The following RGS3 variants were observed in gnomAD, a reference collection of about 807,000 sequenced individuals.
RGS3 encodes the protein regulator of G protein signaling 3.
A neutral mutation model predicts 132.6 loss-of-function variants in RGS3; 80 were observed. That is an observed-to-expected ratio of 0.60 (90% CI 0.50 to 0.73). RGS3 has a LOEUF of 0.73. RGS3 is among the 30% of genes least tolerant of loss of function. The probability of loss-of-function intolerance (pLI) is 0.00; values close to 1 mark genes in which losing one functional copy is unlikely to be tolerated. For missense variants in RGS3, 1,382 were observed against 1,530.8 expected (o/e 0.90, Z 1.62); for synonymous variants, 598 against 620.6 (o/e 0.96, Z 0.54).
chr9:113,486,573 C>T (rs1469344358), intron 7 of RGS3, among the ~76,000 whole-genome samples: 1 of 152,140 alleles, frequency 6.6e-6, no homozygotes, highest in African/African-American at 2.4e-5. Context: ...CTGCCATGGC[C>T]CACTGTTAGC....
At position 113,505,538 on chromosome 9, in the gene RGS3, G is replaced by A. The variant is rs761061180; in HGVS notation, c.979+15G>A. Reference sequence around the variant, plus strand: ...CGTGGATTCCGGTAAGTTATTGACAGGGGGATGCCAACCCCACTTGCCCAC... The same window carrying A: ...CGTGGATTCCGGTAAGTTATTGACAAGGGGATGCCAACCCCACTTGCCCAC... On this transcript the variant is annotated intron_variant, in intron 11 of 24. Transcript: ENST00000350696. 90 of 1,610,110 alleles carry A rather than the reference G, an allele frequency of 5.6e-5. No homozygotes were observed. The East Asian group carries it at 1.9e-3, about 34-fold the overall frequency.
At chr9:113,596,865 T>C (rs1835809913) in exon 25 of RGS3, 4 of 1,613,858 alleles carry the variant, frequency 2.5e-6, no homozygotes, top group Non-Finnish European at 3.4e-6. Context: ...ATCTTCGGGC[T>C]CATGGAAAAG....
intron 18 of RGS3, 138 bp from the exon 17 acceptor site, chr9:113,536,658 C>T: frequency 6.7e-7 from 1 of 1,498,060 alleles, no homozygotes. Flanking sequence ...GATTAGTGTG[C>T]ATTTGCGGCT....
rs1588302396 is a variant in RGS3, at chr9:113,591,660, G to A, written c.3080+263G>A. The A allele has an allele frequency of 2.2e-6, 1 of 463,024 alleles. No individual in the cohort carries two copies. Among genetic ancestry groups the A allele is most frequent in the East Asian group, 3.7e-5 (1 of 26,878 alleles). The allele number at this position is 463,024 out of a possible 1,614,324, so 28.7% of individuals were successfully genotyped here. On this transcript the variant is annotated intron_variant, in intron 21 of 24. Transcript: ENST00000350696. This position sits in a 1 kb window ranked among gnomAD's most constrained non-coding sequence, Gnocchi z 4.4. ...ACAGTGAACCAGAAGCAACCAGCCC[G>A]TTTGCCCTGGCTTTAGCCCAGCTTC...
chr9:113,570,826 A>AG (rs1385169332), intron 19 of RGS3, among the ~76,000 whole-genome samples: 1 of 152,022 alleles, frequency 6.6e-6, no homozygotes. Context: ...TAGTAGAGAC[A>AG]GGTTTCACTA....
chr9:113,473,213 G>A (rs1035751343), intron 3 of RGS3, among the ~76,000 whole-genome samples: 2 of 152,172 alleles, frequency 1.3e-5, no homozygotes, highest in Non-Finnish European at 2.9e-5. Context: ...GCCCATGTCT[G>A]AAGGGAGGAA....
chr9:113,572,568 C>T (rs974607360), intron 19 of RGS3, among the ~76,000 whole-genome samples: 7 of 152,180 alleles, frequency 4.6e-5, no homozygotes, highest in Non-Finnish European at 8.8e-5. Flanking sequence ...GCTGCAGGCC[C>T]TGAAGGAGGA....
intron 7 of RGS3, among the ~76,000 whole-genome samples, chr9:113,488,146 G>T (rs961477400): frequency 6.6e-6 from 1 of 152,194 alleles, no homozygotes; most frequent in South Asian, 2.1e-4. Context: ...ATATTTAGGA[G>T]ATTAAATCAG....
chr9:113,448,206 T>A (rs1829156872), intron 1 of RGS3, among the ~76,000 whole-genome samples: 1 of 152,026 alleles, frequency 6.6e-6, no homozygotes, highest in Non-Finnish European at 1.5e-5. Context: ...CTTTCCACCA[T>A]GTGAATATCA....
chr9:113,489,694 ATT>A (rs796193756), intron 7 of RGS3, among the ~76,000 whole-genome samples: 17 of 142,040 alleles, frequency 1.2e-4, no homozygotes, highest in Admixed American at 2.8e-4. Flanking sequence ...CAGCTACTTA[ATT>A]TTTTTTTTTT....
At chr9:113,559,826 A>G (rs1276993922) in intron 19 of RGS3, among the ~76,000 whole-genome samples, 5 of 152,328 alleles carry the variant, frequency 3.3e-5, no homozygotes, top group South Asian at 4.1e-4. Flanking sequence ...TAGCCCCTCA[A>G]CAGGTGTTAT....
At chr9:113,533,016 A>G (rs560317810) in intron 18 of RGS3, among the ~76,000 whole-genome samples, 1 of 152,290 alleles carries the variant, frequency 6.6e-6, no homozygotes, top group African/African-American at 2.4e-5. Context: ...CCAGGTGATG[A>G]GACCTCCCCA....
In RGS3 at chr9:113,582,367, C is replaced by T. The variant is rs530774338; in HGVS notation, c.2038-1083C>T. 9.5e-5 allele frequency: 23 copies of T among 242,028 alleles called. No homozygotes were observed. In the South Asian group the frequency reaches 2.0e-3, roughly 21 times the overall value. 15.0% of individuals were successfully genotyped at this position (242,028 alleles called of 1,614,324 possible). ...CCCTGAAGTTTTCTGCCAGTGTGCG[C>T]GTGTGCCCGCAGGTGCACACATTCC... On this transcript the variant is annotated intron_variant, in intron 19 of 24. Coordinates refer to ENST00000350696, the Ensembl canonical transcript of RGS3.
intron 19 of RGS3, chr9:113,581,683 C>T (rs961198976): frequency 6.6e-6 from 1 of 152,298 alleles, no homozygotes; most frequent in African/African-American, 2.4e-5. Context: ...CTACCTGACA[C>T]CTCTGTGTGA....
intron 8 of RGS3, among the ~76,000 whole-genome samples, chr9:113,496,394 A>G (rs145373580): frequency 6.6e-6 from 1 of 151,984 alleles, no homozygotes; most frequent in Non-Finnish European, 1.5e-5. Context: ...GACTCCCCAA[A>G]CTGGAAGGTG....
intron 19 of RGS3, among the ~76,000 whole-genome samples, chr9:113,553,838 C>T (rs557562105): frequency 2.6e-5 from 4 of 151,848 alleles, no homozygotes; most frequent in Non-Finnish European, 5.9e-5. Flanking sequence ...AGAGAAACTC[C>T]GTCTCCAAAA....
rs538150092 is a variant in RGS3, at chr9:113,448,514, G to A, written c.-13+3587G>A. 2.0e-4 allele frequency among the ~76,000 whole-genome samples: 30 copies of A among 151,974 alleles called. 1 individual carries two copies. Among genetic ancestry groups the A allele is most frequent in the African/African-American group, 6.3e-4 (26 of 41,436 alleles). ...ATTCTTTAGGTCTCAGCTTACATAT[G>A]ACTTATTTGGGAATAAGCTTTTTCT... On this transcript the variant is annotated intron_variant, in intron 1 of 25. Coordinates refer to the RGS3 transcript ENST00000374140.
upstream of RGS3, among the ~76,000 whole-genome samples, chr9:113,458,295 A>T (rs988899707): frequency 6.6e-6 from 1 of 152,198 alleles, no homozygotes. Flanking sequence ...TTTTCACCCA[A>T]CCATTTGAAA....
At chr9:113,583,176 C>T in intron 19 of RGS3, 1 of 518,306 alleles carries the variant, frequency 1.9e-6, no homozygotes, top group Non-Finnish European at 3.3e-6. Context: ...CCTGCCAAAG[C>T]AGGAGCTAGA....
Sources: gnomAD v4.1 joint callset for allele counts (sites outside exome capture counted in the v4.1 genomes callset) on GRCh38, gnomAD v4.1.1 for gene constraint, Gnocchi (gnomAD v3.1) non-coding constraint, MANE v1.5 for transcripts, NCBI Gene and HGNC (gene_info 2026-07-23, HGNC 2026-07-21) for gene names.